MAP2: variants seen among roughly 807,000 people sequenced by gnomAD.
MAP2 encodes microtubule-associated protein 2.
A neutral mutation model predicts 137.6 loss-of-function variants in MAP2; 14 were observed. The ratio of observed to expected loss-of-function variants is 0.10; its 90% CI spans 0.07 to 0.16. The LOEUF (loss-of-function observed/expected upper bound fraction) is 0.16, where lower values mean the gene tolerates loss of function less well. Ranked by LOEUF, MAP2 falls within the 10% of genes least tolerant of loss-of-function variation. The pLI is 1.00. For synonymous variants in MAP2, 786 were observed against 782.3 expected (o/e 1.00, Z -0.08); for missense variants, 2,088 against 2,191.5 (o/e 0.95, Z 0.94).
In MAP2 at chr2:209,694,165, A is replaced by G; in HGVS notation, c.1995A>G (p.Lys665=). The part of the protein sequence containing the change: ...PQERMFTIDP[K]VYGEKRDLHS... The stretch of plus-strand genomic sequence containing the variant: ...AAAGAATGTTCACTATTGATCCAAA[A>G]GTGTATGGAGAGAAAAGGGACCTCC... Residue 665 remains lysine, a synonymous_variant, in exon 8 of 16, where the codon AAA becomes AAG. Coordinates refer to ENST00000682079, the MANE Select transcript of MAP2 (RefSeq NM_001375505.1). 3.7e-6 allele frequency: 6 copies of G among 1,614,146 alleles called. No individual in the cohort carries two copies. The South Asian group carries it at 6.6e-5, about 18-fold the overall frequency.
chr2:209,612,237 G>A (rs960591828), intron 3 of MAP2, among the ~76,000 whole-genome samples: 4 of 152,218 alleles, frequency 2.6e-5, no homozygotes, highest in Admixed American at 6.5e-5. Flanking sequence ...CCAATATAAT[G>A]TGGTCTATTC....
intron 7 of MAP2, among the ~76,000 whole-genome samples, chr2:209,685,317 A>G (rs2056602327): frequency 6.6e-6 from 1 of 152,154 alleles, no homozygotes; most frequent in Non-Finnish European, 1.5e-5. Context: ...TTTATTATTT[A>G]TTTATTTAAA....
chr2:209,623,376 G>A (rs1037900725), intron 3 of MAP2, among the ~76,000 whole-genome samples: 2 of 151,934 alleles, frequency 1.3e-5, no homozygotes, highest in Non-Finnish European at 2.9e-5. Context: ...ATTTTTACTA[G>A]GGTAAAAGAC....
intron 1 of MAP2, among the ~76,000 whole-genome samples, chr2:209,457,686 G>A (rs1701861019): frequency 6.6e-6 from 1 of 152,164 alleles, no homozygotes; most frequent in Admixed American, 6.5e-5. Context: ...TTGTTGGAAT[G>A]ACTAAACTCT....
intron 2 of MAP2, among the ~76,000 whole-genome samples, chr2:209,528,888 A>G (rs961500341): frequency 2.7e-5 from 4 of 149,808 alleles, no homozygotes; most frequent in Admixed American, 1.3e-4. Context: ...ATATGTGTGT[A>G]TATACATATA....
At chr2:209,681,278 C>T (rs1040853732) in intron 7 of MAP2, among the ~76,000 whole-genome samples, 2 of 152,016 alleles carry the variant, frequency 1.3e-5, no homozygotes. Flanking sequence ...TGTTATATTG[C>T]CAAGACCTTC....
intron 2 of MAP2, among the ~76,000 whole-genome samples, chr2:209,528,327 A>G (rs995651542): frequency 1.2e-4 from 18 of 152,220 alleles, no homozygotes; most frequent in African/African-American, 2.9e-4. Flanking sequence ...CTTCTTTAGA[A>G]TGGGAAATAT....
At chr2:209,615,303 C>A (rs1000171236) in intron 3 of MAP2, among the ~76,000 whole-genome samples, 1 of 152,142 alleles carries the variant, frequency 6.6e-6, no homozygotes, top group Non-Finnish European at 1.5e-5. Flanking sequence ...GAGTGAAATG[C>A]GTTCTTTCTC....
chr2:209,487,338 T>C (rs886332851), intron 1 of MAP2, among the ~76,000 whole-genome samples: 1 of 152,200 alleles, frequency 6.6e-6, no homozygotes, highest in African/African-American at 2.4e-5. Context: ...AGATTTGCTT[T>C]ATTGTCAAGG....
At chr2:209,640,931 G>T (rs1405471365) in intron 4 of MAP2, among the ~76,000 whole-genome samples, 8 of 129,888 alleles carry the variant, frequency 6.2e-5, no homozygotes, top group African/African-American at 2.3e-4. Flanking sequence ...CCAACTTTTA[G>T]AGTTTTGTTT....
At chr2:209,608,007 T>C (rs1327102510) in intron 3 of MAP2, among the ~76,000 whole-genome samples, 1 of 152,196 alleles carries the variant, frequency 6.6e-6, no homozygotes, top group Non-Finnish European at 1.5e-5. Flanking sequence ...GCTGGAAATG[T>C]TTTCTGAGAG....
Position 209,695,197 on chromosome 2 carries a change from T to C in MAP2, c.3027T>C (p.Asp1009=). The C allele has an allele frequency of 1.2e-6, 2 of 1,614,154 alleles. No individual in the cohort carries two copies. The highest frequency in any genetic ancestry group is 1.7e-6 in the Non-Finnish European group (2 of 1,180,018). ...ALAKDLSIPT[D]ASSEKAEKGL... is the part of the protein sequence containing the mutation. ...CCAAAGATTTGTCAATACCAACAGA[T>C]GCATCCTCTGAGAAAGCAGAGAAGG... Residue 1009 remains aspartate, a synonymous_variant, in exon 8 of 16, where the codon GAT becomes GAC. Coordinates refer to ENST00000682079, the MANE Select transcript of MAP2 (RefSeq NM_001375505.1).
intron 2 of MAP2, among the ~76,000 whole-genome samples, chr2:209,563,872 C>T (rs927143280): frequency 1.3e-5 from 2 of 152,126 alleles, no homozygotes; most frequent in African/African-American, 4.8e-5. Context: ...AGTTCACAAA[C>T]ATCAAGTGCA....
At chr2:209,600,264 C>T (rs532281303) in intron 3 of MAP2, among the ~76,000 whole-genome samples, 16 of 152,302 alleles carry the variant, frequency 1.1e-4, no homozygotes, top group African/African-American at 3.6e-4. Flanking sequence ...TCCAAAGTCA[C>T]CAGAAAGGCC....
At chr2:209,647,933 T>C (rs1408079909) in intron 4 of MAP2, among the ~76,000 whole-genome samples, 1 of 152,116 alleles carries the variant, frequency 6.6e-6, no homozygotes. Context: ...AGCTCACCAC[T>C]CAGATTCATA....
intron 3 of MAP2, among the ~76,000 whole-genome samples, chr2:209,624,339 G>T (rs1243092019): frequency 1.3e-5 from 2 of 152,160 alleles, no homozygotes; most frequent in African/African-American, 4.8e-5. Flanking sequence ...CCTCAGCTCT[G>T]CAATCCCTTA....
At chr2:209,530,398 A>T (rs1427128059) in intron 2 of MAP2, among the ~76,000 whole-genome samples, 1 of 152,210 alleles carries the variant, frequency 6.6e-6, no homozygotes, top group Non-Finnish European at 1.5e-5. Context: ...GAGAGAATTG[A>T]TAATGAAGGA....
chr2:209,587,956 A>G (rs965125896), intron 3 of MAP2, among the ~76,000 whole-genome samples: 1 of 152,186 alleles, frequency 6.6e-6, no homozygotes, highest in Admixed American at 6.5e-5. Flanking sequence ...AGTCAAGTTA[A>G]ATTGATAATC....
At chr2:209,478,372 T>C (rs989635937) in intron 1 of MAP2, among the ~76,000 whole-genome samples, 7 of 152,220 alleles carry the variant, frequency 4.6e-5, no homozygotes, top group African/African-American at 1.7e-4. Context: ...TTAAAAACTA[T>C]GTGAGTTAAC....
Sources: gnomAD v4.1 joint callset for allele counts (sites outside exome capture counted in the v4.1 genomes callset) on GRCh38, gnomAD v4.1.1 for gene constraint, MANE v1.5 for transcripts, NCBI Gene and HGNC (gene_info 2026-07-23, HGNC 2026-07-21) for gene names.